Variants in LRRN2 observed in about 807,000 individuals in gnomAD.
The protein encoded by LRRN2 is leucine-rich repeat neuronal protein 2.
In LRRN2, 10 loss-of-function variants were observed where a neutral mutation model predicts 35.7. That is an observed-to-expected ratio of 0.28 (90% CI 0.17 to 0.47). LRRN2 has a LOEUF of 0.47. Ranked by LOEUF, LRRN2 falls within the 20% of genes least tolerant of loss-of-function variation. The pLI, the probability that LRRN2 is intolerant of heterozygous loss-of-function variation, is 0.99. For missense variants in LRRN2, 731 were observed against 940.3 expected (o/e 0.78, Z 2.91); for synonymous variants, 391 against 409.6 (o/e 0.95, Z 0.55).
chr1:204,631,959 C>A (rs1383068050), intron 1 of LRRN2, among the ~76,000 whole-genome samples: 1 of 152,236 alleles, frequency 6.6e-6, no homozygotes, highest in African/African-American at 2.4e-5. Context: ...AGCAGTGGCT[C>A]ATGCCTGTAA....
At chr1:204,668,813 G>C (rs144367923) in intron 1 of LRRN2, among the ~76,000 whole-genome samples, 5 of 152,300 alleles carry the variant, frequency 3.3e-5, no homozygotes, top group Admixed American at 1.3e-4. Flanking sequence ...GAGTTTTGTA[G>C]GTTGTAAATA....
intron 1 of LRRN2, among the ~76,000 whole-genome samples, chr1:204,677,812 C>A (rs1468400214): frequency 2.0e-5 from 3 of 152,174 alleles, no homozygotes; most frequent in East Asian, 1.9e-4. Context: ...AATGGATTTC[C>A]TTCTGGAAAG....
At chr1:204,626,547 C>T (rs961134016) in intron 1 of LRRN2, among the ~76,000 whole-genome samples, 1 of 152,146 alleles carries the variant, frequency 6.6e-6, no homozygotes, top group Non-Finnish European at 1.5e-5. Context: ...TGACGCTTTC[C>T]CTTAGAGAAG....
chr1:204,632,913 G>A (rs570013830), intron 1 of LRRN2, among the ~76,000 whole-genome samples: 4 of 150,100 alleles, frequency 2.7e-5, no homozygotes, highest in South Asian at 2.1e-4. Context: ...CAGCCTGGGC[G>A]ACAGAGCGAG....
intron 1 of LRRN2, among the ~76,000 whole-genome samples, chr1:204,681,706 T>C (rs1164020505): frequency 1.3e-5 from 2 of 152,220 alleles, no homozygotes; most frequent in African/African-American, 2.4e-5. Flanking sequence ...AAATGCCTGA[T>C]TGAGGCTAAC....
chr1:204,655,441 C>T (rs1668326747), intron 1 of LRRN2, among the ~76,000 whole-genome samples: 1 of 148,450 alleles, frequency 6.7e-6, no homozygotes, highest in Non-Finnish European at 1.5e-5. Flanking sequence ...GCATGTGCCA[C>T]CATGCCCAGC....
intron 1 of LRRN2, among the ~76,000 whole-genome samples, chr1:204,676,931 G>T (rs1668836602): frequency 1.3e-5 from 2 of 152,140 alleles, no homozygotes; most frequent in Admixed American, 1.3e-4. Context: ...GGCTGTGCAT[G>T]GCCTCCAGGC....
intron 1 of LRRN2, among the ~76,000 whole-genome samples, chr1:204,636,226 C>T (rs1195609920): frequency 3.3e-5 from 5 of 152,176 alleles, no homozygotes; most frequent in Admixed American, 6.5e-5. Context: ...GCATACAGAA[C>T]CTGAAACAGA....
At chr1:204,628,343 G>A (rs1667558091) in intron 1 of LRRN2, 1 of 152,236 alleles carries the variant, frequency 6.6e-6, no homozygotes. Flanking sequence ...ACAGGCGAGT[G>A]GTTGAACGGT....
chr1:204,630,642 G>T lies in LRRN2; in HGVS notation c.-226-10424C>A, dbSNP rs540675671. Among the ~76,000 whole-genome samples the T allele has an allele frequency of 8.6e-5, 13 of 151,986 alleles. No individual in the cohort carries two copies. In the East Asian group the frequency reaches 1.4e-3, roughly 16 times the overall value. On this transcript the variant is annotated intron_variant, in intron 1 of 1. Coordinates refer to ENST00000367177, the MANE Select transcript of LRRN2 (RefSeq NM_201630.2). ...GGTTTGTCTTTCCTCCCCACTAACC[G>T]CAAGACAATGGCCTGTCCGTCCTGG...
At chr1:204,620,702 G>A (rs1666829107) in intron 1 of LRRN2, 1 of 168,826 alleles carries the variant, frequency 5.9e-6, no homozygotes, top group Admixed American at 6.4e-5. Context: ...CTTCAGTGAA[G>A]GAGAGGAAGG....
rs188481040 is a variant in LRRN2, at chr1:204,629,711, G to A, written c.-226-9493C>T. The A allele has an allele frequency of 1.5e-4, 25 of 165,716 alleles. No individual in the cohort carries two copies. The East Asian group carries it at 2.1e-3, about 14-fold the overall frequency. 10.3% of individuals were successfully genotyped at this position (165,716 alleles called of 1,614,324 possible). A position where few individuals can be genotyped will look rare whatever the true frequency, so the allele number is the denominator to read the frequency against. On this transcript the variant is annotated intron_variant, in intron 1 of 1. Transcript: ENST00000367177. ...TCCAATTAAACCTCTTTTTCTTCCC[G>A]GTCTCAGATATGTCTTTATCAGCAG...
intron 1 of LRRN2, among the ~76,000 whole-genome samples, chr1:204,660,608 G>T (rs2772232): frequency 0.25 from 36,846 of 149,128 alleles, 4,819 homozygotes; most frequent in Non-Finnish European, 0.3. Flanking sequence ...CTCTCACTTC[G>T]TCTTAGAGCC....
chr1:204,626,475 C>T (rs939471526), intron 1 of LRRN2, among the ~76,000 whole-genome samples: 1 of 152,036 alleles, frequency 6.6e-6, no homozygotes, highest in African/African-American at 2.4e-5. Flanking sequence ...TGCCCTTTCC[C>T]AACTTCAACT....
At chr1:204,667,241 A>G (rs1668592413) in intron 1 of LRRN2, among the ~76,000 whole-genome samples, 1 of 152,194 alleles carries the variant, frequency 6.6e-6, no homozygotes, top group Non-Finnish European at 1.5e-5. Flanking sequence ...CTAGGGTTAT[A>G]CCAATGTCAG....
intron 1 of LRRN2, among the ~76,000 whole-genome samples, chr1:204,643,012 A>T (rs1571655130): frequency 6.6e-6 from 1 of 152,194 alleles, no homozygotes; most frequent in South Asian, 2.1e-4. Context: ...CCACACCATG[A>T]CGGACATGAA....
Position 204,619,813 on chromosome 1 carries a change from C to G in LRRN2, c.180G>C (p.Leu60=). Residue 60 remains leucine, a synonymous_variant, in exon 2 of 2, where the codon CTG becomes CTC. Coordinates refer to ENST00000367177, the MANE Select transcript of LRRN2 (RefSeq NM_201630.2). ...CGGGGAGTGCCGGGGGGACTGCCGT[C>G]AGGAATAGGTCATTGCAGTCCACAG... ...ATTVDCNDLF[L]TAVPPALPAG... 1 of 1,614,020 alleles carries G rather than the reference C, an allele frequency of 6.2e-7. No individual in the cohort carries two copies. The highest frequency in any genetic ancestry group is 8.5e-7 in the Non-Finnish European group (1 of 1,179,942).
intron 1 of LRRN2, among the ~76,000 whole-genome samples, chr1:204,666,987 G>A (rs202018376): frequency 0.019 from 1,849 of 97,898 alleles, 34 homozygotes; most frequent in African/African-American, 0.062. Flanking sequence ...AAAAAAAAAA[G>A]CCAACAGCAA....
chr1:204,636,927 A>C (rs914822664), intron 1 of LRRN2, among the ~76,000 whole-genome samples: 1 of 152,246 alleles, frequency 6.6e-6, no homozygotes, highest in East Asian at 1.9e-4. Context: ...ATTGAACCCC[A>C]TAGCTGTTGA....
Sources: gnomAD v4.1 joint callset for allele counts (sites outside exome capture counted in the v4.1 genomes callset) on GRCh38, gnomAD v4.1.1 for gene constraint, MANE v1.5 for transcripts, NCBI Gene and HGNC (gene_info 2026-07-23, HGNC 2026-07-21) for gene names.